The following TMEM230 variants were observed in gnomAD, a reference collection of about 807,000 sequenced individuals.
TMEM230 encodes UPF0414 transmembrane protein C20orf30.
A neutral mutation model predicts 15.8 loss-of-function variants in TMEM230; 10 were observed. The ratio of observed to expected loss-of-function variants is 0.63; its 90% CI spans 0.39 to 1.07. The LOEUF is 1.07. Ranked by LOEUF, TMEM230 falls within the 50% of genes least tolerant of loss-of-function variation. The pLI is 0.01. For missense variants in TMEM230, 165 were observed against 193.3 expected (o/e 0.85, Z 0.87); for synonymous variants, 67 against 76.9 (o/e 0.87, Z 0.68).
Position 5,100,697 on chromosome 20 carries a change from T to C in TMEM230, c.*94A>G. On this transcript the variant is annotated 3_prime_UTR_variant, in exon 5 of 5. Transcript: ENST00000342308. The stretch of plus-strand genomic sequence containing the variant: ...ATTATTTTCTTAAACATCTGCAAGC[T>C]GCAGAATTCCTTAGTCCTCAGCTAT... 2 of 1,520,040 alleles carry C rather than the reference T, an allele frequency of 1.3e-6. No homozygotes were observed. Among genetic ancestry groups the C allele is most frequent in the South Asian group, 1.3e-5 (1 of 77,704 alleles). The allele number at this position is 1,520,040 out of a possible 1,614,324, so 94.2% of individuals were successfully genotyped here.
At chr20:5,075,694 C>T (rs2088970067) in intron 3 of TMEM230, among the ~76,000 whole-genome samples, 1 of 152,022 alleles carries the variant, frequency 6.6e-6, no homozygotes. Context: ...CACTTCACTC[C>T]AGCCTGGGCG....
chr20:5,104,792 G>A (rs776551913), intron 4 of TMEM230, among the ~76,000 whole-genome samples: 1 of 152,282 alleles, frequency 6.6e-6, no homozygotes, highest in Non-Finnish European at 1.5e-5. Flanking sequence ...CACTTTCCAT[G>A]TTCTCACTCA....
At chr20:5,102,270 T>C (rs1219110924) in intron 4 of TMEM230, among the ~76,000 whole-genome samples, 1 of 152,132 alleles carries the variant, frequency 6.6e-6, no homozygotes, top group Non-Finnish European at 1.5e-5. Flanking sequence ...AAACAAAGAT[T>C]GAACAATGAA....
chr20:5,112,035 CG>C (rs1311955476), intron 1 of TMEM230, among the ~76,000 whole-genome samples: 6 of 152,072 alleles, frequency 3.9e-5, no homozygotes, highest in African/African-American at 1.4e-4. Context: ...TTAGTAGAGA[CG>C]GGCTTCACCA....
At chr20:5,098,858 T>C (rs1405030397), downstream of TMEM230, among the ~76,000 whole-genome samples, 1 of 152,050 alleles carries the variant, frequency 6.6e-6, no homozygotes, top group Non-Finnish European at 1.5e-5. Context: ...AAAAACCAGA[T>C]ATATATTTAT....
At chr20:5,079,075 A>G (rs1055203051) in intron 3 of TMEM230, among the ~76,000 whole-genome samples, 2 of 152,244 alleles carry the variant, frequency 1.3e-5, no homozygotes, top group Non-Finnish European at 2.9e-5. Context: ...CTTTTTGCAT[A>G]GTGTTTCTGT....
intron 2 of TMEM230, among the ~76,000 whole-genome samples, 156 bp from the exon 2 acceptor site, chr20:5,109,601 T>C (rs1251864014): frequency 1.3e-5 from 2 of 152,238 alleles, no homozygotes; most frequent in African/African-American, 2.4e-5. Flanking sequence ...TAAATTTTCA[T>C]TGTGTCAGAG....
At chr20:5,078,585 A>G (rs1363978358) in intron 3 of TMEM230, among the ~76,000 whole-genome samples, 3 of 152,202 alleles carry the variant, frequency 2.0e-5, no homozygotes, top group South Asian at 2.1e-4. Context: ...TTATGGGTCA[A>G]CGCGGGGCTC....
At chr20:5,070,872 T>C (rs2088801146) in intron 3 of TMEM230, among the ~76,000 whole-genome samples, 1 of 152,172 alleles carries the variant, frequency 6.6e-6, no homozygotes, top group South Asian at 2.1e-4. Context: ...ACTCAAGCGA[T>C]CCTCTCACCT....
intron 4 of TMEM230, among the ~76,000 whole-genome samples, chr20:5,102,330 T>C (rs1056316904): frequency 4.6e-5 from 7 of 152,136 alleles, no homozygotes; most frequent in African/African-American, 1.4e-4. Context: ...AAGGCCATAA[T>C]AAAAAGTCTC....
At chr20:5,074,509 T>G (rs890417370) in intron 3 of TMEM230, among the ~76,000 whole-genome samples, 1 of 152,100 alleles carries the variant, frequency 6.6e-6, no homozygotes, top group Non-Finnish European at 1.5e-5. Flanking sequence ...GTTAAAATGA[T>G]ATAAACTCTC....
chr20:5,103,442 T>TTA (rs1158850247), intron 4 of TMEM230, among the ~76,000 whole-genome samples: 1 of 151,914 alleles, frequency 6.6e-6, no homozygotes, highest in Non-Finnish European at 1.5e-5. Context: ...CCTGGACTGC[T>TTA]TGAGTCTAGG....
At chr20:5,090,414 G>A (rs1298296145) in intron 3 of TMEM230, among the ~76,000 whole-genome samples, 4 of 152,146 alleles carry the variant, frequency 2.6e-5, no homozygotes, top group Admixed American at 2.0e-4. Context: ...CAGAAGTCAC[G>A]CAGGAAGCCA....
intron 3 of TMEM230, among the ~76,000 whole-genome samples, chr20:5,082,988 C>T (rs1042192405): frequency 2.0e-5 from 3 of 148,936 alleles, no homozygotes; most frequent in South Asian, 4.2e-4. Context: ...AGTGCAATGG[C>T]GCGATCTCGG....
At chr20:5,063,080 C>T in the TMEM230 span, among the ~76,000 whole-genome samples, 2 of 151,952 alleles carry the variant, frequency 1.3e-5, no homozygotes, top group African/African-American at 4.8e-5. Context: ...TGAAGCCTCA[C>T]CACGGCTGTC....
chr20:5,064,888 G>A (rs954535374), downstream of TMEM230, among the ~76,000 whole-genome samples: 1 of 151,522 alleles, frequency 6.6e-6, no homozygotes, highest in Admixed American at 6.6e-5. Context: ...AAAATACCAG[G>A]GGCTAGGCGT....
At chr20:5,082,933 T>C (rs1459459208) in intron 3 of TMEM230, among the ~76,000 whole-genome samples, 2 of 151,674 alleles carry the variant, frequency 1.3e-5, no homozygotes, top group East Asian at 3.9e-4. Context: ...TTTTTTTTTT[T>C]TTTTTCTTTT....
chr20:5,110,912 T>C (rs1476316447), intron 2 of TMEM230: 2 of 152,130 alleles, frequency 1.3e-5, no homozygotes, highest in Admixed American at 6.5e-5. Flanking sequence ...CCGGGCGTGA[T>C]AGCTCACGCC....
At chr20:5,082,919 ATTG>A (rs1213846513) in intron 3 of TMEM230, among the ~76,000 whole-genome samples, 4 of 124,602 alleles carry the variant, frequency 3.2e-5, no homozygotes, top group Non-Finnish European at 6.5e-5. Flanking sequence ...AATTCTTCAT[ATTG>A]TTTTTTTTTT....
Sources: gnomAD v4.1 joint callset for allele counts (sites outside exome capture counted in the v4.1 genomes callset) on GRCh38, gnomAD v4.1.1 for gene constraint, MANE v1.5 for transcripts, NCBI Gene and HGNC (gene_info 2026-07-23, HGNC 2026-07-21) for gene names.